MRTFA: variants seen among roughly 807,000 people sequenced by gnomAD.
MRTFA encodes the protein myocardin-related transcription factor A.
Under a neutral mutation model 83.5 loss-of-function variants are expected in MRTFA, and 20 were observed. The ratio of observed to expected loss-of-function variants is 0.24; its 90% confidence interval spans 0.17 to 0.35. MRTFA has a LOEUF of 0.35. Ranked by LOEUF, MRTFA falls within the 10% of genes least tolerant of loss-of-function variation. The probability of loss-of-function intolerance (pLI) is 1.00; values close to 1 mark genes in which losing one functional copy is unlikely to be tolerated. For missense variants in MRTFA, 1,200 were observed against 1,224.7 expected, an observed-to-expected ratio of 0.98 and a Z score of 0.30; for synonymous variants, 659 against 541.2, an observed-to-expected ratio of 1.22 and a Z score of -3.02.
chr22:40,528,290 A>C (rs1369654540), intron 3 of MRTFA, among the ~76,000 whole-genome samples: 1 of 152,188 alleles, frequency 6.6e-6, no homozygotes, highest in Non-Finnish European at 1.5e-5. Context: ...GGAAAAGCCC[A>C]AAGAAAACCA....
intron 3 of MRTFA, among the ~76,000 whole-genome samples, chr22:40,515,839 G>A (rs1569306648): frequency 2.0e-5 from 3 of 152,124 alleles, no homozygotes; most frequent in Non-Finnish European, 2.9e-5. Context: ...TAATCCCTGT[G>A]CAGATGGCGA....
chr22:40,475,289 G>C (rs751383523), intron 3 of MRTFA, among the ~76,000 whole-genome samples: 1 of 152,106 alleles, frequency 6.6e-6, no homozygotes, highest in African/African-American at 2.4e-5. Flanking sequence ...TGTAATCTCA[G>C]CATGCTGGGA....
Position 40,411,927 on chromosome 22 carries a change from G to C in MRTFA, c.2579-20C>G. On this transcript the variant is annotated intron_variant, in intron 14 of 14. Transcript: ENST00000355630. Reference sequence around the variant, plus strand: ...AAATTTCTGCCAATCAATCAAGAGAGTAAATGGATATCAGAAGCCAAGCCT... The same window carrying C: ...AAATTTCTGCCAATCAATCAAGAGACTAAATGGATATCAGAAGCCAAGCCT... 6.8e-7 allele frequency: 1 copy of C among 1,466,102 alleles called. No individual in the cohort carries two copies. Among genetic ancestry groups the C allele is most frequent in the Non-Finnish European group, 9.0e-7 (1 of 1,106,534 alleles). The allele number at this position is 1,466,102 out of a possible 1,614,324, so 90.8% of individuals were successfully genotyped here.
chr22:40,630,255 G>T (rs2056628148), intron 1 of MRTFA, among the ~76,000 whole-genome samples: 1 of 152,140 alleles, frequency 6.6e-6, no homozygotes, highest in South Asian at 2.1e-4. Context: ...GGCGGCAGTT[G>T]CAGTGAGCCA....
intron 4 of MRTFA, among the ~76,000 whole-genome samples, chr22:40,440,908 T>C (rs1386162535): frequency 6.6e-6 from 1 of 152,184 alleles, no homozygotes. Flanking sequence ...GACTTAAAGT[T>C]ACCCCATAAA....
At chr22:40,515,125 T>C (rs2147248277) in intron 3 of MRTFA, among the ~76,000 whole-genome samples, 1 of 151,892 alleles carries the variant, frequency 6.6e-6, no homozygotes, top group East Asian at 2.0e-4. Flanking sequence ...GCCAGGCTGG[T>C]CTCCAACTCC....
At chr22:40,413,313 AAG>A (rs2052602169) in intron 14 of MRTFA, among the ~76,000 whole-genome samples, 1 of 151,518 alleles carries the variant, frequency 6.6e-6, no homozygotes, top group Non-Finnish European at 1.5e-5. Context: ...ACAACAAAAA[AAG>A]GTAAATTTTA....
chr22:40,623,027 A>T (rs2056541718), intron 1 of MRTFA, among the ~76,000 whole-genome samples: 1 of 152,230 alleles, frequency 6.6e-6, no homozygotes, highest in Admixed American at 6.5e-5. Flanking sequence ...TAGAAGAGTT[A>T]TCATTTTACT....
chr22:40,504,301 C>T (rs2054545131), intron 3 of MRTFA, among the ~76,000 whole-genome samples: 1 of 152,082 alleles, frequency 6.6e-6, no homozygotes, highest in South Asian at 2.1e-4. Flanking sequence ...ATCACCAGAA[C>T]CCAACAGTTC....
chr22:40,427,650 G>T (rs2052983429), intron 7 of MRTFA, among the ~76,000 whole-genome samples: 1 of 152,154 alleles, frequency 6.6e-6, no homozygotes, highest in South Asian at 2.1e-4. Flanking sequence ...TTGTCCCCCA[G>T]TTCTCATCAC....
intron 3 of MRTFA, among the ~76,000 whole-genome samples, chr22:40,505,945 G>A (rs751577634): frequency 4.6e-5 from 7 of 152,184 alleles, no homozygotes; most frequent in Admixed American, 2.0e-4. Flanking sequence ...TATTATTAAA[G>A]TGCATTGGCC....
At chr22:40,535,009 G>C (rs891401628) in intron 3 of MRTFA, among the ~76,000 whole-genome samples, 2 of 152,158 alleles carry the variant, frequency 1.3e-5, no homozygotes, top group African/African-American at 4.8e-5. Flanking sequence ...GTACAAGAGA[G>C]AAAAACTTCC....
intron 3 of MRTFA, among the ~76,000 whole-genome samples, chr22:40,490,490 T>C (rs1290589473): frequency 6.6e-6 from 1 of 151,546 alleles, no homozygotes; most frequent in Non-Finnish European, 1.5e-5. Flanking sequence ...TCCCAGCTAC[T>C]CGGGAGGCTG....
intron 3 of MRTFA, among the ~76,000 whole-genome samples, chr22:40,500,119 T>C (rs1376537949): frequency 3.3e-5 from 5 of 151,172 alleles, no homozygotes; most frequent in Non-Finnish European, 7.4e-5. Context: ...TTAGTAGAGA[T>C]GGGGTTTCAC....
intron 3 of MRTFA, among the ~76,000 whole-genome samples, chr22:40,503,017 T>C (rs1477659743): frequency 6.6e-6 from 1 of 152,212 alleles, no homozygotes; most frequent in Non-Finnish European, 1.5e-5. Flanking sequence ...CACCCTCATC[T>C]ACGCACAGGG....
chr22:40,536,117 CCCATCTCTACCA>C (rs945365505), intron 3 of MRTFA, among the ~76,000 whole-genome samples: 1 of 150,816 alleles, frequency 6.6e-6, no homozygotes, highest in Non-Finnish European at 1.5e-5. Flanking sequence ...ATGGCAAGAC[CCCATCTCTACCA>C]AAAAAAAAAA....
intron 3 of MRTFA, among the ~76,000 whole-genome samples, chr22:40,481,861 C>A (rs2054097769): frequency 6.6e-6 from 1 of 151,984 alleles, no homozygotes; most frequent in South Asian, 2.1e-4. Flanking sequence ...GAGATCGAGA[C>A]CATCCTGGCT....
At chr22:40,636,191 C>T (rs1047722037) in intron 1 of MRTFA, among the ~76,000 whole-genome samples, 2 of 152,204 alleles carry the variant, frequency 1.3e-5, no homozygotes, top group African/African-American at 4.8e-5. Context: ...GACCTCCGTG[C>T]CTCCCCGCCC....
intron 3 of MRTFA, among the ~76,000 whole-genome samples, chr22:40,470,736 G>T (rs952023278): frequency 2.0e-5 from 3 of 151,826 alleles, no homozygotes; most frequent in African/African-American, 7.3e-5. Flanking sequence ...ATCACCTGAG[G>T]TCAGGAGTTC....
Sources: allele counts gnomAD v4.1 joint callset (sites outside exome capture counted in the v4.1 genomes callset), GRCh38; gene constraint gnomAD v4.1.1; transcripts MANE v1.5; gene names NCBI Gene and HGNC (gene_info 2026-07-23, HGNC 2026-07-21).